The following CELF4 variants were observed in gnomAD, a reference collection of about 807,000 sequenced individuals.
CELF4 encodes the protein CUGBP Elav-like family member 4, also known as CUG-BP- and ETR-3-like factor 4.
A neutral mutation model predicts 59.9 loss-of-function variants in CELF4; 18 were observed. That is an observed-to-expected ratio of 0.30 (90% CI 0.21 to 0.45). The LOEUF is 0.45. CELF4 is among the 20% of genes least tolerant of loss of function. The probability of loss-of-function intolerance (pLI) is 1.00; values close to 1 mark genes in which losing one functional copy is unlikely to be tolerated. For synonymous variants in CELF4, 261 were observed against 267.1 expected (o/e 0.98, Z 0.22); for missense variants, 456 against 689.0 (o/e 0.66, Z 3.79).
intron 2 of CELF4, among the ~76,000 whole-genome samples, chr18:37,470,887 T>TGTGTGA (rs1325788685): frequency 9.6e-4 from 69 of 71,954 alleles, no homozygotes; most frequent in African/African-American, 3.4e-3. Flanking sequence ...TGTGTGTGTG[T>TGTGTGA]GACAGAGAGA....
chr18:37,380,780 C>T (rs2099029100), intron 2 of CELF4, among the ~76,000 whole-genome samples: 1 of 136,296 alleles, frequency 7.3e-6, no homozygotes, highest in African/African-American at 2.8e-5. Context: ...TCCTTCTATC[C>T]ATTTCTCCAT....
chr18:37,562,714 A>G (rs920632751), intron 1 of CELF4, among the ~76,000 whole-genome samples: 5 of 152,212 alleles, frequency 3.3e-5, no homozygotes, highest in Non-Finnish European at 1.5e-5. Flanking sequence ...ATTAGCTAAT[A>G]AATCAGGCTC....
At chr18:37,417,415 C>T (rs770197695) in intron 2 of CELF4, among the ~76,000 whole-genome samples, 28 of 152,148 alleles carry the variant, frequency 1.8e-4, no homozygotes, top group Non-Finnish European at 2.6e-4. Flanking sequence ...CCAATTTCTC[C>T]GACTTAACCT....
chr18:37,310,965 G>T (rs935813638), intron 3 of CELF4, among the ~76,000 whole-genome samples: 1 of 152,168 alleles, frequency 6.6e-6, no homozygotes. Flanking sequence ...GAAGGCCGTG[G>T]TGCCTTCTCT....
At chr18:37,327,279 A>T (rs1015638241) in intron 2 of CELF4, among the ~76,000 whole-genome samples, 2 of 152,114 alleles carry the variant, frequency 1.3e-5, no homozygotes, top group African/African-American at 4.8e-5. Context: ...CCAGGGTGCA[A>T]GGGGCCCCTC....
intron 2 of CELF4, among the ~76,000 whole-genome samples, chr18:37,358,295 A>C (rs1175052452): frequency 6.6e-6 from 1 of 152,088 alleles, no homozygotes; most frequent in East Asian, 1.9e-4. Context: ...CAGTTTTAAA[A>C]ACGGGAGTTT....
intron 1 of CELF4, among the ~76,000 whole-genome samples, chr18:37,517,256 T>C (rs555205558): frequency 1.1e-4 from 17 of 152,226 alleles, no homozygotes; most frequent in Admixed American, 8.5e-4. Flanking sequence ...AGCTTTTGCT[T>C]TTGGGGCTGG....
chr18:37,457,297 C>A (rs2099781053), intron 2 of CELF4, among the ~76,000 whole-genome samples: 1 of 152,158 alleles, frequency 6.6e-6, no homozygotes, highest in South Asian at 2.1e-4. Context: ...CTGAATCTAG[C>A]AGGGCTTCCT....
At chr18:37,319,664 C>T (rs550813056) in intron 3 of CELF4, among the ~76,000 whole-genome samples, 1 of 152,254 alleles carries the variant, frequency 6.6e-6, no homozygotes, top group Non-Finnish European at 1.5e-5. Context: ...ACAACTGGCT[C>T]TCCAAATTTG....
intron 2 of CELF4, among the ~76,000 whole-genome samples, chr18:37,331,819 A>C (rs1317468884): frequency 1.3e-5 from 2 of 151,862 alleles, no homozygotes; most frequent in Non-Finnish European, 1.5e-5. Flanking sequence ...GGGGTGTGAA[A>C]GGGTGTGCGG....
chr18:37,509,324 A>C (rs137918592), intron 1 of CELF4, among the ~76,000 whole-genome samples: 145 of 152,386 alleles, frequency 9.5e-4, no homozygotes, highest in Non-Finnish European at 1.6e-3. Context: ...AAGCTAGGAC[A>C]TCCAGGCACT....
At chr18:37,268,545 C>T (rs1366911559) in intron 8 of CELF4, among the ~76,000 whole-genome samples, 1 of 152,298 alleles carries the variant, frequency 6.6e-6, no homozygotes, top group East Asian at 1.9e-4. Context: ...CAGCACAGTG[C>T]CAGGAACATC....
At chr18:37,490,288 G>C (rs968166016) in intron 1 of CELF4, among the ~76,000 whole-genome samples, 1 of 152,042 alleles carries the variant, frequency 6.6e-6, no homozygotes, top group Non-Finnish European at 1.5e-5. Flanking sequence ...GAGTAGGGGG[G>C]TATGTTTCCT....
intron 2 of CELF4, among the ~76,000 whole-genome samples, chr18:37,469,466 C>G (rs1290259675): frequency 6.6e-6 from 1 of 152,052 alleles, no homozygotes. Context: ...ACCAGCAGAC[C>G]CGCTGAGTTA....
intron 11 of CELF4, among the ~76,000 whole-genome samples, chr18:37,255,084 C>A (rs1307195314): frequency 6.6e-6 from 1 of 152,082 alleles, no homozygotes; most frequent in Non-Finnish European, 1.5e-5. Context: ...GAGGCCTTTT[C>A]TCCTGTAAAA....
At chr18:37,307,856 T>C (rs2154480060) in intron 3 of CELF4, among the ~76,000 whole-genome samples, 1 of 152,110 alleles carries the variant, frequency 6.6e-6, no homozygotes, top group Non-Finnish European at 1.5e-5. Flanking sequence ...GGAAGGCCAG[T>C]AGGGACCCGC....
intron 3 of CELF4, among the ~76,000 whole-genome samples, chr18:37,300,618 C>A (rs2095960447): frequency 6.6e-6 from 1 of 152,320 alleles, no homozygotes; most frequent in Non-Finnish European, 1.5e-5. Context: ...GGGCACTGTG[C>A]AAATTGCCAA....
chr18:37,304,951 T>G (rs2096299445), intron 3 of CELF4, among the ~76,000 whole-genome samples: 1 of 152,034 alleles, frequency 6.6e-6, no homozygotes, highest in East Asian at 1.9e-4. Context: ...TCCACAGGAA[T>G]AGGGTTCCCA....
intron 2 of CELF4, among the ~76,000 whole-genome samples, chr18:37,457,119 G>C (rs1480337927): frequency 6.6e-6 from 1 of 152,174 alleles, no homozygotes; most frequent in Non-Finnish European, 1.5e-5. Context: ...GCTTGCAGAA[G>C]CCGGGGTGCC....
Sources: gnomAD v4.1 joint callset for allele counts (sites outside exome capture counted in the v4.1 genomes callset) on GRCh38, gnomAD v4.1.1 for gene constraint, MANE v1.5 for transcripts, NCBI Gene and HGNC (gene_info 2026-07-23, HGNC 2026-07-21) for gene names.